LCLAT1: variants seen among roughly 807,000 people sequenced by gnomAD.
LCLAT1 encodes 1-AGP acyltransferase 8.
In LCLAT1, 11 loss-of-function variants were observed where a neutral mutation model predicts 30.7. The ratio of observed to expected loss-of-function variants is 0.36; its 90% confidence interval spans 0.23 to 0.59. The LOEUF (loss-of-function observed/expected upper bound fraction) is 0.59. LCLAT1 is among the 20% of genes least tolerant of loss of function. The pLI is 0.77. For missense variants in LCLAT1, 402 were observed against 458.6 expected (o/e 0.88, Z 1.13); for synonymous variants, 155 against 151.3 (o/e 1.02, Z -0.18).
At chr2:30,494,011 A>G (rs1426657190) in intron 1 of LCLAT1, among the ~76,000 whole-genome samples, 1 of 152,084 alleles carries the variant, frequency 6.6e-6, no homozygotes, top group African/African-American at 2.4e-5. Context: ...CAATAACTAA[A>G]TAACCAACTA....
At chr2:30,571,706 A>G (rs1168920238) in intron 5 of LCLAT1, among the ~76,000 whole-genome samples, 1 of 152,196 alleles carries the variant, frequency 6.6e-6, no homozygotes, top group African/African-American at 2.4e-5. Context: ...TACTGGGTGC[A>G]TTATATATCA....
chr2:30,571,791 A>G (rs1048195465), intron 5 of LCLAT1, among the ~76,000 whole-genome samples: 25 of 152,242 alleles, frequency 1.6e-4, no homozygotes, highest in African/African-American at 6.0e-4. Flanking sequence ...GTTATGTTAA[A>G]TAAGATGTGG....
chr2:30,508,548 G>T (rs1216311994), intron 1 of LCLAT1, among the ~76,000 whole-genome samples: 1 of 152,144 alleles, frequency 6.6e-6, no homozygotes, highest in Non-Finnish European at 1.5e-5. Context: ...CTTTGTTGAA[G>T]ATCAGATAGT....
At chr2:30,528,823 C>T (rs1021649785) in intron 2 of LCLAT1, among the ~76,000 whole-genome samples, 6 of 152,146 alleles carry the variant, frequency 3.9e-5, no homozygotes, top group South Asian at 2.1e-4. Context: ...CTAGTTACAG[C>T]ATATCAGACA....
intron 1 of LCLAT1, among the ~76,000 whole-genome samples, chr2:30,503,021 C>T (rs900973003): frequency 1.1e-4 from 17 of 152,224 alleles, no homozygotes; most frequent in Admixed American, 5.2e-4. Flanking sequence ...TTTATACTTA[C>T]TTATACCTAC....
chr2:30,553,669 G>T (rs1163146400), intron 3 of LCLAT1, among the ~76,000 whole-genome samples: 1 of 151,910 alleles, frequency 6.6e-6, no homozygotes, highest in African/African-American at 2.4e-5. Flanking sequence ...CAAAAAATTA[G>T]CCGGGCGCGG....
intron 5 of LCLAT1, among the ~76,000 whole-genome samples, chr2:30,619,509 T>C (rs1198682156): frequency 6.6e-6 from 1 of 152,224 alleles, no homozygotes; most frequent in Non-Finnish European, 1.5e-5. Flanking sequence ...CAAGATATTC[T>C]AGTGCTAATA....
At chr2:30,474,943 C>T (rs976471876) in intron 1 of LCLAT1, among the ~76,000 whole-genome samples, 5 of 152,102 alleles carry the variant, frequency 3.3e-5, no homozygotes, top group African/African-American at 1.2e-4. Context: ...TGAGCCACCA[C>T]ACCTGGCCTT....
chr2:30,560,117 G>A (rs944092296), intron 3 of LCLAT1, among the ~76,000 whole-genome samples: 1 of 152,136 alleles, frequency 6.6e-6, no homozygotes, highest in Admixed American at 6.5e-5. Flanking sequence ...AGCGGGCAGT[G>A]TACAGTCATG....
intron 5 of LCLAT1, among the ~76,000 whole-genome samples, chr2:30,625,284 T>C (rs1668449924): frequency 1.3e-5 from 2 of 151,910 alleles, no homozygotes; most frequent in East Asian, 3.9e-4. Flanking sequence ...AAAAGATAAA[T>C]GAAACAAAAA....
At chr2:30,474,453 T>TG (rs1682951199) in intron 1 of LCLAT1, among the ~76,000 whole-genome samples, 1 of 152,182 alleles carries the variant, frequency 6.6e-6, no homozygotes, top group African/African-American at 2.4e-5. Context: ...GACAGGGACT[T>TG]GCTATGTTGC....
At chr2:30,577,936 T>C (rs1042212833) in intron 5 of LCLAT1, among the ~76,000 whole-genome samples, 5 of 152,136 alleles carry the variant, frequency 3.3e-5, no homozygotes, top group African/African-American at 1.2e-4. Context: ...TTCCTTATTA[T>C]TTACTATATA....
intron 3 of LCLAT1, among the ~76,000 whole-genome samples, chr2:30,546,892 G>C (rs1664440209): frequency 6.6e-6 from 1 of 151,876 alleles, no homozygotes; most frequent in South Asian, 2.1e-4. Context: ...CTGCCCTCCT[G>C]CTCATAACAA....
At chr2:30,570,287 A>T (rs529664905) in intron 5 of LCLAT1, among the ~76,000 whole-genome samples, 8 of 152,316 alleles carry the variant, frequency 5.3e-5, no homozygotes, top group Non-Finnish European at 1.5e-5. Context: ...AGATGATTCC[A>T]TTTATTTCAG....
intron 5 of LCLAT1, among the ~76,000 whole-genome samples, chr2:30,584,016 C>A (rs1333249280): frequency 1.3e-5 from 2 of 151,786 alleles, no homozygotes; most frequent in Non-Finnish European, 2.9e-5. Flanking sequence ...CTCTAACTTC[C>A]CTCCCCTCGC....
intron 2 of LCLAT1, among the ~76,000 whole-genome samples, chr2:30,530,909 A>G (rs1685949862): frequency 6.6e-6 from 1 of 152,190 alleles, no homozygotes; most frequent in Non-Finnish European, 1.5e-5. Context: ...ATCTATAGGT[A>G]TCATATATTA....
At chr2:30,578,918 A>C (rs1342744721) in intron 5 of LCLAT1, among the ~76,000 whole-genome samples, 2 of 152,188 alleles carry the variant, frequency 1.3e-5, no homozygotes, top group Non-Finnish European at 2.9e-5. Context: ...GTTACCAAAT[A>C]ATTTACCAAT....
chr2:30,551,480 A>G (rs1042952780), intron 3 of LCLAT1, among the ~76,000 whole-genome samples: 3 of 152,156 alleles, frequency 2.0e-5, no homozygotes, highest in African/African-American at 7.2e-5. Context: ...TTTTTTATGA[A>G]GAATGATGTG....
chr2:30,637,122 A>G (rs1669072979), intron 5 of LCLAT1, among the ~76,000 whole-genome samples: 1 of 152,186 alleles, frequency 6.6e-6, no homozygotes, highest in South Asian at 2.1e-4. Flanking sequence ...CATCTTATTT[A>G]CCTCCATGTG....
Sources: gnomAD v4.1 joint callset for allele counts (sites outside exome capture counted in the v4.1 genomes callset) on GRCh38, gnomAD v4.1.1 for gene constraint, MANE v1.5 for transcripts, NCBI Gene and HGNC (gene_info 2026-07-23, HGNC 2026-07-21) for gene names.